RGMA: variants seen among roughly 807,000 people sequenced by gnomAD.
RGMA encodes the protein repulsive guidance molecule BMP co-receptor a.
A neutral mutation model predicts 23.2 loss-of-function variants in RGMA; 10 were observed. The ratio of observed to expected loss-of-function variants is 0.43; its 90% CI spans 0.27 to 0.73. The LOEUF (loss-of-function observed/expected upper bound fraction) is 0.73. Among genes scored for constraint, RGMA ranks in the 30% least tolerant of loss-of-function variants. RGMA has a pLI of 0.20. For synonymous variants in RGMA, 308 were observed against 279.3 expected, an observed-to-expected ratio of 1.10 and a Z score of -1.03; for missense variants, 547 against 630.5, an observed-to-expected ratio of 0.87 and a Z score of 1.42.
rs181052394 is a variant in RGMA at position 93,046,191 on chromosome 15, C to A, written c.646-486G>T. ...ATTATTCTGGATTACCTGGGTGGGC[C>A]CTAGATGGAATCACAAGTATCTTTA... On this transcript the variant is annotated intron_variant, in intron 3 of 3. Transcript: ENST00000329082. 3.9e-5 allele frequency among the ~76,000 whole-genome samples: 6 copies of A among 152,044 alleles called. No individual in the cohort carries two copies. The East Asian group carries it at 1.2e-3, about 29-fold the overall frequency.
At chr15:93,062,259 G>T (rs1894990689) in intron 2 of RGMA, among the ~76,000 whole-genome samples, 2 of 152,090 alleles carry the variant, frequency 1.3e-5, no homozygotes, top group Non-Finnish European at 2.9e-5. Context: ...GCTGTTTCTG[G>T]AACAAACCCC....
chr15:93,060,784 C>T (rs1346341428), intron 2 of RGMA, among the ~76,000 whole-genome samples: 1 of 152,232 alleles, frequency 6.6e-6, no homozygotes, highest in Non-Finnish European at 1.5e-5. Context: ...AGGACATCTC[C>T]CTGCAGCACT....
chr15:93,087,194 T>C (rs1895648779), intron 1 of RGMA, among the ~76,000 whole-genome samples: 1 of 152,326 alleles, frequency 6.6e-6, no homozygotes, highest in Admixed American at 6.5e-5. Flanking sequence ...ACCACTACAC[T>C]GCTCTACAAG....
intron 1 of RGMA, among the ~76,000 whole-genome samples, chr15:93,074,887 G>A (rs151200011): frequency 9.1e-4 from 138 of 152,296 alleles, no homozygotes; most frequent in African/African-American, 3.2e-3. Flanking sequence ...TGCCTTTCAC[G>A]AGCTAGTTCT....
chr15:93,083,675 T>C (rs752868719), intron 1 of RGMA, among the ~76,000 whole-genome samples: 12 of 152,214 alleles, frequency 7.9e-5, no homozygotes, highest in Non-Finnish European at 1.8e-4. Context: ...AATGTCAGAC[T>C]ATTTTAGTTG....
chr15:93,044,875 G>T lies in RGMA; in HGVS notation c.*123C>A. 1.3e-6 allele frequency: 1 copy of T among 799,634 alleles called. No homozygotes were observed. Among genetic ancestry groups the T allele is most frequent in the Non-Finnish European group, 2.0e-6 (1 of 507,730 alleles). 49.5% of individuals were successfully genotyped at this position (799,634 alleles called of 1,614,324 possible). A position where few individuals can be genotyped will look rare whatever the true frequency, so the allele number is the denominator to read the frequency against. On this transcript the variant is annotated 3_prime_UTR_variant, in exon 4 of 4. Transcript: ENST00000329082. Reference sequence around the variant, plus strand: ...GTGCCTGAGCCCTTGGCAGCAGGCGGTCCCTGGCGTTCTGCGGGGCCATGG... The same window carrying T: ...GTGCCTGAGCCCTTGGCAGCAGGCGTTCCCTGGCGTTCTGCGGGGCCATGG...
intron 1 of RGMA, among the ~76,000 whole-genome samples, chr15:93,086,561 A>G (rs375485416): frequency 1.3e-5 from 2 of 152,220 alleles, no homozygotes; most frequent in Non-Finnish European, 2.9e-5. Context: ...AACACTGGCC[A>G]TATCCCTTCT....
Position 93,072,906 on chromosome 15 carries a change from A to G in RGMA, c.130+10T>C, listed in dbSNP as rs1895379108. The G allele has an allele frequency of 6.3e-7, 1 of 1,590,832 alleles. No homozygotes were observed. The highest frequency in any genetic ancestry group is 8.6e-7 in the Non-Finnish European group (1 of 1,169,170). ...ACCCGGCCCCGCGCGCCCGGCCGGC[A>G]GTGCCTTACCTGCGGGGAAGCTGCA... is the stretch of plus-strand genomic sequence containing the variant. On this transcript the variant is annotated intron_variant, in intron 2 of 3. Coordinates refer to ENST00000329082, the MANE Select transcript of RGMA (RefSeq NM_020211.3).
chr15:93,059,912 G>A (rs1308950037), intron 2 of RGMA, among the ~76,000 whole-genome samples: 2 of 152,236 alleles, frequency 1.3e-5, no homozygotes, highest in Non-Finnish European at 2.9e-5. Flanking sequence ...TGGAAAGAAG[G>A]AAGGAAAGTT....
rs571428627 is a variant in RGMA at position 93,044,089 on chromosome 15, T to G, written c.*909A>C. 3.3e-5 allele frequency: 5 copies of G among 152,508 alleles called. No individual in the cohort carries two copies. The highest frequency in any genetic ancestry group is 1.2e-4 in the African/African-American group (5 of 41,560). 9.4% of individuals were successfully genotyped at this position (152,508 alleles called of 1,614,324 possible). ...CGTGGATGGACCGGGCTGGGGGCTCTTGGGGTTGTGAGGAGGAAGCAGAGG... is the reference window on the plus strand; with the variant it reads ...CGTGGATGGACCGGGCTGGGGGCTCGTGGGGTTGTGAGGAGGAAGCAGAGG... On this transcript the variant is annotated 3_prime_UTR_variant, in exon 4 of 4. Transcript: ENST00000329082.
Position 93,074,800 on chromosome 15 carries a change from G to T in RGMA, c.15-1769C>A, listed in dbSNP as rs570013640. Among the ~76,000 whole-genome samples, 9 of 152,342 alleles carry T rather than the reference G, an allele frequency of 5.9e-5. No individual in the cohort carries two copies. In the South Asian group the frequency reaches 1.9e-3, roughly 32 times the overall value. ...CCCATTCCAGCGGCCACCGGGGCAC[G>T]CTAAGCAGGCACTGTGCCAGGCTGC... On this transcript the variant is annotated intron_variant, in intron 1 of 3. Transcript: ENST00000329082.
Position 93,052,274 on chromosome 15 carries a change from A to G in RGMA, c.364T>C (p.Ser122Pro). ...GGGAGCGTGCGCAGGCGTGGCTGCG[A>G]GGTGGGGCCATCCTTGGAGCAGTTG... is the stretch of plus-strand genomic sequence containing the variant. ...QHNCSKDGPT[S>P]QPRLRTLPPA... Residue 122 changes from serine to proline, a missense_variant, in exon 3 of 4, where the codon TCG (serine) becomes CCG (proline). By Grantham distance (74) the Ser-to-Pro change is moderately conservative. Around this residue, in one of 3 missense-constraint regions of RGMA, gnomAD observed 214 missense variants for 234.7 expected, o/e 0.91. Coordinates refer to ENST00000329082, the MANE Select transcript of RGMA (RefSeq NM_020211.3). 2 of 1,602,572 alleles carry G rather than the reference A, an allele frequency of 1.2e-6. No homozygotes were observed. Among genetic ancestry groups the G allele is most frequent in the Admixed American group, 3.3e-5 (2 of 59,820 alleles).
Position 93,088,945 on chromosome 15 carries a change from C to A in RGMA, c.-13G>T. ...TTGGCGGCTGCATGAGCCCCTGCGGCCCGCGGGGGGTGGCGCTGGCGGGGC... is the reference window on the plus strand; with the variant it reads ...TTGGCGGCTGCATGAGCCCCTGCGGACCGCGGGGGGTGGCGCTGGCGGGGC... On this transcript the variant is annotated 5_prime_UTR_variant, in exon 1 of 4. Coordinates refer to ENST00000329082, the MANE Select transcript of RGMA (RefSeq NM_020211.3). 1 of 1,404,636 alleles carries A rather than the reference C, an allele frequency of 7.1e-7. No individual in the cohort carries two copies. The highest frequency in any genetic ancestry group is 9.2e-7 in the Non-Finnish European group (1 of 1,087,156). 87.0% of individuals were successfully genotyped at this position (1,404,636 alleles called of 1,614,324 possible).
intron 1 of RGMA, chr15:93,073,945 C>T: frequency 7.0e-7 from 1 of 1,428,400 alleles, no homozygotes; most frequent in Non-Finnish European, 9.1e-7. Context: ...TTGGCGCTCT[C>T]TGCGAGGCCC....
rs12442144 is a variant in RGMA, at chr15:93,042,987, A to C, written c.*2011T>G. ...AGGGCACCATATGTCTCTCCACCAC[A>C]TAGTCACCTGTCTCCCTGACTGTGT... On this transcript the variant is annotated 3_prime_UTR_variant, in exon 4 of 4. Coordinates refer to ENST00000329082, the MANE Select transcript of RGMA (RefSeq NM_020211.3). The C allele has an allele frequency of 3.0e-5, 4 of 132,876 alleles. No homozygotes were observed. The highest frequency in any genetic ancestry group is 6.6e-5 in the Non-Finnish European group (4 of 60,936). 8.2% of individuals were successfully genotyped at this position (132,876 alleles called of 1,614,324 possible).
At chr15:93,088,068 T>C (rs927525767) in intron 1 of RGMA, among the ~76,000 whole-genome samples, 5 of 152,136 alleles carry the variant, frequency 3.3e-5, no homozygotes, top group Admixed American at 6.5e-5. Flanking sequence ...ACCCAATTTA[T>C]AAAATAAATA....
chr15:93,084,576 G>A (rs550676894), intron 1 of RGMA, among the ~76,000 whole-genome samples: 1 of 152,124 alleles, frequency 6.6e-6, no homozygotes, highest in South Asian at 2.1e-4. Context: ...GGGTTCAAGC[G>A]ACTCTCCTCT....
chr15:93,072,197 A>G (rs1358097186), intron 2 of RGMA, among the ~76,000 whole-genome samples: 2 of 152,190 alleles, frequency 1.3e-5, no homozygotes, highest in Non-Finnish European at 2.9e-5. Context: ...TCCCCCAACA[A>G]AAACAAGAGG....
At chr15:93,077,896 C>G (rs766618798) in intron 1 of RGMA, among the ~76,000 whole-genome samples, 1 of 152,218 alleles carries the variant, frequency 6.6e-6, no homozygotes, top group Non-Finnish European at 1.5e-5. Flanking sequence ...TCAGTAGAGA[C>G]AGGGTTTCAC....
Sources: gnomAD v4.1 joint callset for allele counts (sites outside exome capture counted in the v4.1 genomes callset) on GRCh38, gnomAD v4.1.1 for gene constraint, gnomAD v4.1.1 regional missense constraint, MANE v1.5 for transcripts, NCBI Gene and HGNC (gene_info 2026-07-23, HGNC 2026-07-21) for gene names.